USP43: variants seen among roughly 807,000 people sequenced by gnomAD.
The protein encoded by USP43 is ubiquitin specific peptidase 43.
USP43 carries 33 observed loss-of-function variants against 90.7 expected under a neutral mutation model. The observed-to-expected ratio is 0.36, with a 90% CI of 0.28 to 0.49. The LOEUF (loss-of-function observed/expected upper bound fraction) is 0.49. Ranked by LOEUF, USP43 falls within the 20% of genes least tolerant of loss-of-function variation. The pLI is 0.98. For missense variants in USP43, 1,274 were observed against 1,476.4 expected (o/e 0.86, Z 2.25); for synonymous variants, 598 against 615.8 (o/e 0.97, Z 0.43).
At chr17:9,700,369 G>A in intron 10 of USP43, 120 bp downstream of exon 10, 1 of 890,846 alleles carries the variant, frequency 1.1e-6, no homozygotes, top group South Asian at 1.8e-5. Flanking sequence ...CTTTGAGCCA[G>A]TGTAACCCGT....
chr17:9,708,849 G>A (rs62064137), intron 12 of USP43, among the ~76,000 whole-genome samples: 2 of 152,088 alleles, frequency 1.3e-5, no homozygotes, highest in South Asian at 2.1e-4. Context: ...GGTTGGTCTC[G>A]AACTCCTGAC....
Position 9,674,974 on chromosome 17 carries a change from G to A in USP43, c.824G>A (p.Arg275His), listed in dbSNP as rs762959156. Residue 275 changes from arginine to histidine, a missense_variant, in exon 4 of 15, where the codon CGC (arginine) becomes CAC (histidine). This residue lies in a region of USP43 where 259 missense variants were observed against 373.7 expected (regional missense o/e 0.69). Coordinates refer to ENST00000285199, the MANE Select transcript of USP43 (RefSeq NM_153210.5). This position sits in a 1 kb window ranked among gnomAD's most constrained non-coding sequence, Gnocchi z 4.4. ...TGTGTGTCCCTACCTATCCCCTTGCGCCAGACGAGGTACGTGAGTGTCGCG... is the reference window on the plus strand; with the variant it reads ...TGTGTGTCCCTACCTATCCCCTTGCACCAGACGAGGTACGTGAGTGTCGCG... ...FLCVSLPIPL[R>H]QTRFLSVTLV... 15 of 1,613,762 alleles carry A rather than the reference G, an allele frequency of 9.3e-6. No homozygotes were observed. Among genetic ancestry groups the A allele is most frequent in the East Asian group, 6.7e-5 (3 of 44,892 alleles).
intron 3 of USP43, among the ~76,000 whole-genome samples, chr17:9,670,820 G>A (rs1021254010): frequency 5.9e-5 from 9 of 152,236 alleles, no homozygotes; most frequent in African/African-American, 1.9e-4. Flanking sequence ...AGGTGTTCAC[G>A]CTAAAGATGA....
chr17:9,666,545 G>A (rs1913048014), intron 2 of USP43, 103 bp from the exon 3 acceptor site: 2 of 886,164 alleles, frequency 2.3e-6, no homozygotes, highest in East Asian at 5.3e-5. Flanking sequence ...GGCCCAGAAA[G>A]GGATGATGCG....
chr17:9,675,132 A>G, intron 4 of USP43, 149 bp downstream of exon 4: 1 of 710,302 alleles, frequency 1.4e-6, no homozygotes, highest in Non-Finnish European at 2.5e-6. Context: ...GATGACATTC[A>G]ACTATTGAAA....
At chr17:9,720,981 G>A (rs550213192) in intron 14 of USP43, among the ~76,000 whole-genome samples, 2 of 152,294 alleles carry the variant, frequency 1.3e-5, no homozygotes, top group African/African-American at 4.8e-5. Context: ...GGTAGCCCTG[G>A]TTATGATCAT....
chr17:9,690,794 G>A (rs4791354), intron 8 of USP43, among the ~76,000 whole-genome samples: 6,538 of 152,072 alleles, frequency 0.043, 450 homozygotes, highest in African/African-American at 0.15. Context: ...CTGAGGCAAG[G>A]GAATCACTTG....
Position 9,695,368 on chromosome 17 carries a change from C to G in USP43, c.1457+2138C>G, listed in dbSNP as rs566717903. 4.1e-3 allele frequency among the ~76,000 whole-genome samples: 618 copies of G among 152,158 alleles called. 4 individuals carry two copies. The highest frequency in any genetic ancestry group is 0.014 in the African/African-American group (586 of 41,516). On this transcript the variant is annotated intron_variant, in intron 9 of 14. Coordinates refer to ENST00000285199, the MANE Select transcript of USP43 (RefSeq NM_153210.5). ...TTTTTTTTTGAGATGGAGTCTCACT[C>G]TGTTACCTAGGCTGGAGTGCAATGG...
intron 8 of USP43, among the ~76,000 whole-genome samples, chr17:9,689,916 A>C (rs1914832873): frequency 6.6e-6 from 1 of 152,130 alleles, no homozygotes; most frequent in Non-Finnish European, 1.5e-5. Flanking sequence ...CCTTAGGGAG[A>C]ATACCCTTCC....
chr17:9,680,511 G>A (rs1462157011), intron 6 of USP43, 145 bp downstream of exon 6: 2 of 934,384 alleles, frequency 2.1e-6, no homozygotes, highest in Non-Finnish European at 3.2e-6. Flanking sequence ...GTTGTGTGCA[G>A]ATGGTTGATA....
At chr17:9,713,137 G>A (rs1472670289) in intron 14 of USP43, among the ~76,000 whole-genome samples, 1 of 152,008 alleles carries the variant, frequency 6.6e-6, no homozygotes. Context: ...GTCGCAGGCT[G>A]GAGTCCAGTG....
Position 9,645,826 on chromosome 17 carries a change from C to T in USP43, c.194C>T (p.Pro65Leu). The T allele has an allele frequency of 7.2e-7, 1 of 1,395,942 alleles. No individual in the cohort carries two copies. The highest frequency in any genetic ancestry group is 9.2e-7 in the Non-Finnish European group (1 of 1,081,340). 86.5% of individuals were successfully genotyped at this position (1,395,942 alleles called of 1,614,324 possible). Residue 65 changes from proline (P) to leucine (L), a missense_variant, in exon 1 of 15, where the codon CCG (proline) becomes CTG (leucine). Physicochemically the swap from Pro to Leu is moderately conservative, Grantham distance 98. Coordinates refer to ENST00000285199, the MANE Select transcript of USP43 (RefSeq NM_153210.5). This position sits in a 1 kb window ranked among gnomAD's most constrained non-coding sequence, Gnocchi z 6.8. ...GGTGAGGGGGGCTTCGCCTGCGCCC[C>T]GGGCCCAGTTCCAGCGGCCCCCGGG... The part of the protein sequence containing the change: ...GDGEGGFACA[P>L]GPVPAAPGSP...
At chr17:9,722,545 C>G (rs942416365) in intron 14 of USP43, among the ~76,000 whole-genome samples, 12 of 152,128 alleles carry the variant, frequency 7.9e-5, no homozygotes, top group Non-Finnish European at 8.8e-5. Context: ...GAGCGAGTCG[C>G]GCTTTGTTTC....
intron 2 of USP43, among the ~76,000 whole-genome samples, chr17:9,658,411 G>C (rs1282490459): frequency 6.6e-6 from 1 of 152,104 alleles, no homozygotes; most frequent in Non-Finnish European, 1.5e-5. Context: ...ATGTATCAGA[G>C]AGATTGGGTA....
At chr17:9,666,438 C>T (rs1913042892) in intron 2 of USP43, among the ~76,000 whole-genome samples, 1 of 152,074 alleles carries the variant, frequency 6.6e-6, no homozygotes, top group Admixed American at 6.6e-5. Flanking sequence ...TCTTTTAATG[C>T]ACACACACTT....
In USP43 at chr17:9,728,580, C is replaced by A; in HGVS notation, c.2962C>A (p.Leu988Ile). ...AGACAGTCGCCGAGGCACCTCTGAG[C>A]TAGACAGACCCCTGCAGGGGACACT... ...SKDSRRGTSE[L>I]DRPLQGTLTL... is the part of the protein sequence containing the mutation. Residue 988 changes from leucine (L) to isoleucine (I), a missense_variant, in exon 15 of 15, where the codon CTA (leucine) becomes ATA (isoleucine). By Grantham distance (5) the Leu-to-Ile change is conservative (BLOSUM62 2). This residue lies in a region of USP43 where 353 missense variants were observed against 329.7 expected (regional missense o/e 1.07). Coordinates refer to ENST00000285199, the MANE Select transcript of USP43 (RefSeq NM_153210.5). This position sits in a 1 kb window ranked among gnomAD's most constrained non-coding sequence, Gnocchi z 6.2. 1 of 1,613,994 alleles carries A rather than the reference C, an allele frequency of 6.2e-7. No individual in the cohort carries two copies. Among genetic ancestry groups the A allele is most frequent in the Non-Finnish European group, 8.5e-7 (1 of 1,179,876 alleles).
chr17:9,691,149 T>C (rs1914926858), intron 8 of USP43, among the ~76,000 whole-genome samples: 2 of 151,738 alleles, frequency 1.3e-5, no homozygotes, highest in South Asian at 2.1e-4. Flanking sequence ...AGCTTCACTC[T>C]TGTTGCTCAG....
chr17:9,666,565 G>A (rs1051573062), intron 2 of USP43, 83 bp from the exon 3 acceptor site: 1 of 1,115,662 alleles, frequency 9.0e-7, no homozygotes, highest in Admixed American at 2.0e-5. Context: ...GGGCCCAGGA[G>A]GAAGCATGGG....
rs1917351182 is a variant in USP43 at position 9,727,838 on chromosome 17, T to C, written c.2336-116T>C. The C allele has an allele frequency of 5.1e-6, 6 of 1,165,552 alleles. No homozygotes were observed. In the Admixed American group the frequency reaches 1.4e-4, roughly 27 times the overall value. The allele number at this position is 1,165,552 out of a possible 1,614,324, so 72.2% of individuals were successfully genotyped here. ...ACCCTATGTGGCTTCTTCACTGCTG[T>C]GTCTCCAGTGCCCAGCACAGTGCCT... On this transcript the variant is annotated intron_variant, in intron 14 of 14. Transcript: ENST00000285199.
Sources: gnomAD v4.1 joint callset for allele counts (sites outside exome capture counted in the v4.1 genomes callset) on GRCh38, gnomAD v4.1.1 for gene constraint, gnomAD v4.1.1 regional missense constraint, Gnocchi (gnomAD v3.1) non-coding constraint, MANE v1.5 for transcripts, NCBI Gene and HGNC (gene_info 2026-07-23, HGNC 2026-07-21) for gene names.